Variants in CCDC93 observed in about 807,000 individuals in gnomAD.
CCDC93 encodes the protein CCC complex scaffolding subunit CCDC93.
In CCDC93, 61 loss-of-function variants were observed where a neutral mutation model predicts 108.2. That is an observed-to-expected ratio of 0.56 (90% CI 0.46 to 0.70). The LOEUF (loss-of-function observed/expected upper bound fraction) is 0.70, where lower values mean the gene tolerates loss of function less well. CCDC93 is among the 30% of genes least tolerant of loss of function. The probability of loss-of-function intolerance (pLI) is 0.00; values close to 1 mark genes in which losing one functional copy is unlikely to be tolerated. For synonymous variants in CCDC93, 276 were observed against 260.4 expected (o/e 1.06, Z -0.58); for missense variants, 685 against 764.2 (o/e 0.90, Z 1.22).
In CCDC93 at chr2:117,946,862, C is replaced by G. The variant is rs1352070814; in HGVS notation, c.1245G>C (p.Gln415His). The change falls in exon 16 of 24, where the codon CAG becomes CAC. Residue 415 changes from glutamine to histidine, a missense_variant. Physicochemically the swap from Gln to His is conservative, Grantham distance 24. Transcript: ENST00000376300. ...CAGCTTTCAGGTTTTCAATTTCTTG[C>G]TGTAGTCGTGTCATCTCCTCCTTTA... The part of the protein sequence containing the change: ...AHCREEMTRL[Q>H]QEIENLKAER... 2 of 1,613,476 alleles carry G rather than the reference C, an allele frequency of 1.2e-6. No homozygotes were observed. Among genetic ancestry groups the G allele is most frequent in the Non-Finnish European group, 1.7e-6 (2 of 1,179,368 alleles).
intron 1 of CCDC93, 200 bp from the exon 2 acceptor site, chr2:118,008,858 T>C (rs1676946042): frequency 1.8e-6 from 1 of 544,514 alleles, no homozygotes; most frequent in South Asian, 2.2e-5. Context: ...GGGTCCGCGG[T>C]CCTCAACGGG....
At chr2:117,937,752 G>A (rs1273450159) in intron 20 of CCDC93, among the ~76,000 whole-genome samples, 1 of 152,210 alleles carries the variant, frequency 6.6e-6, no homozygotes, top group East Asian at 1.9e-4. Context: ...GCCAGGATGT[G>A]GGACAGAGCT....
At chr2:117,991,552 T>C (rs1680475179) in intron 6 of CCDC93, among the ~76,000 whole-genome samples, 3 of 152,198 alleles carry the variant, frequency 2.0e-5, no homozygotes. Flanking sequence ...TTTATCAACC[T>C]TTCTAAGCTT....
intron 7 of CCDC93, chr2:117,985,513 T>A: frequency 1.6e-6 from 1 of 610,372 alleles, no homozygotes; most frequent in Non-Finnish European, 2.0e-6. Context: ...AAACTAAGGA[T>A]ATAAAATAAG....
At chr2:117,960,946 C>T (rs556451512) in intron 11 of CCDC93, among the ~76,000 whole-genome samples, 2 of 152,170 alleles carry the variant, frequency 1.3e-5, no homozygotes, top group African/African-American at 2.4e-5. Flanking sequence ...TCAATGAATA[C>T]GTAAGCTACT....
chr2:117,957,734 T>C (rs1190486514), intron 12 of CCDC93, among the ~76,000 whole-genome samples: 2 of 152,134 alleles, frequency 1.3e-5, no homozygotes, highest in Non-Finnish European at 2.9e-5. Context: ...CTGGTCTTTG[T>C]TCATGTTGTT....
intron 13 of CCDC93, chr2:117,950,587 G>A: frequency 2.0e-6 from 2 of 985,402 alleles, no homozygotes; most frequent in Non-Finnish European, 2.4e-6. Context: ...GGAAGGGCAG[G>A]TTTTGCTGAA....
Position 117,915,929 on chromosome 2 carries a change from AT to A in CCDC93, c.*4413del, listed in dbSNP as rs1025806511. 1 of 152,140 alleles carries A rather than the reference AT, an allele frequency of 6.6e-6. No homozygotes were observed. Among genetic ancestry groups the A allele is most frequent in the African/African-American group, 2.4e-5 (1 of 41,430 alleles). 9.4% of individuals were successfully genotyped at this position (152,140 alleles called of 1,614,324 possible). ...GTTTTAAATTTCTACAAACTATTCCATTGTTTAAGCTGGCCATAATGTATTT... is the reference window on the plus strand; with the variant it reads ...GTTTTAAATTTCTACAAACTATTCCATGTTTAAGCTGGCCATAATGTATTT... On this transcript the variant is annotated 3_prime_UTR_variant, in exon 24 of 24. Transcript: ENST00000376300.
At chr2:118,008,524 G>A (rs1176759053) in intron 2 of CCDC93, 21 bp downstream of exon 2, 4 of 1,336,592 alleles carry the variant, frequency 3.0e-6, no homozygotes, top group African/African-American at 2.9e-5. Context: ...TAGTGTAATG[G>A]TTAGAAAGAT....
Position 117,920,046 on chromosome 2 carries a change from C to T in CCDC93, c.*297G>A, listed in dbSNP as rs1441693044. Reference sequence around the variant, plus strand: ...TTCAGAGTCCATACAAATACAGGTACCTTCATAAGCGCAATGTTACTGGAG... The same window carrying T: ...TTCAGAGTCCATACAAATACAGGTATCTTCATAAGCGCAATGTTACTGGAG... On this transcript the variant is annotated 3_prime_UTR_variant, in exon 24 of 24. Transcript: ENST00000376300. 3.8e-6 allele frequency: 1 copy of T among 263,190 alleles called. No individual in the cohort carries two copies. Among genetic ancestry groups the T allele is most frequent in the East Asian group, 6.6e-5 (1 of 15,064 alleles). The allele number at this position is 263,190 out of a possible 1,614,324, so 16.3% of individuals were successfully genotyped here. A position where few individuals can be genotyped will look rare whatever the true frequency, so the allele number is the denominator to read the frequency against.
chr2:117,971,697 T>C (rs1214704464), intron 11 of CCDC93, among the ~76,000 whole-genome samples: 6 of 152,194 alleles, frequency 3.9e-5, no homozygotes, highest in African/African-American at 1.4e-4. Flanking sequence ...AACCAAGATA[T>C]GGCTTCAAAT....
rs1679996978 is a variant in CCDC93 at position 117,977,988 on chromosome 2, T to C, written c.657+6A>G. On this transcript the variant is annotated splice_donor_region_variant and intron_variant, in intron 8 of 23. Coordinates refer to ENST00000376300, the MANE Select transcript of CCDC93 (RefSeq NM_019044.5). ...TATTCTCTCTTACTATCAATGTTTT[T>C]CTTACCTTCTCCATTTTGCTCTGGC... 2 of 1,613,374 alleles carry C rather than the reference T, an allele frequency of 1.2e-6. No homozygotes were observed. The highest frequency in any genetic ancestry group is 1.7e-6 in the Non-Finnish European group (2 of 1,179,420).
At chr2:117,953,790 A>G (rs79042626) in intron 12 of CCDC93, among the ~76,000 whole-genome samples, 5,478 of 151,514 alleles carry the variant, frequency 0.036, 117 homozygotes, top group Middle Eastern at 0.072. Context: ...ACTATGTGGA[A>G]GGCTGAGGTG....
intron 8 of CCDC93, 112 bp downstream of exon 8, chr2:117,977,882 C>T: frequency 1.0e-6 from 1 of 953,696 alleles, no homozygotes; most frequent in Non-Finnish European, 1.7e-6. Context: ...GCAGCTCACA[C>T]ATCCCTGGGT....
intron 4 of CCDC93, 67 bp downstream of exon 4, chr2:118,000,754 G>A: frequency 9.7e-7 from 1 of 1,032,260 alleles, no homozygotes; most frequent in Non-Finnish European, 1.5e-6. Flanking sequence ...ACCCATTACA[G>A]GACAAGCCAG....
chr2:117,942,798 G>A (rs1289870537), intron 18 of CCDC93, among the ~76,000 whole-genome samples: 1 of 152,156 alleles, frequency 6.6e-6, no homozygotes, highest in Non-Finnish European at 1.5e-5. Flanking sequence ...AGTCAGAGCT[G>A]ACAACAAAGC....
At chr2:117,991,372 C>T (rs925752944) in intron 6 of CCDC93, among the ~76,000 whole-genome samples, 1 of 152,102 alleles carries the variant, frequency 6.6e-6, no homozygotes, top group Non-Finnish European at 1.5e-5. Context: ...TCCCAGGGCC[C>T]TGAAGTAAGT....
chr2:117,920,120 A>C lies in CCDC93; in HGVS notation c.*223T>G. The C allele has an allele frequency of 2.2e-6, 1 of 450,242 alleles. No homozygotes were observed. 27.9% of individuals were successfully genotyped at this position (450,242 alleles called of 1,614,324 possible). A position where few individuals can be genotyped will look rare whatever the true frequency, so the allele number is the denominator to read the frequency against. ...AACAAGTACTCCCTATATTCTTCATAGGATGATGGGTGTTATCCAAGCCAC... is the reference window on the plus strand; with the variant it reads ...AACAAGTACTCCCTATATTCTTCATCGGATGATGGGTGTTATCCAAGCCAC... On this transcript the variant is annotated 3_prime_UTR_variant, in exon 24 of 24. Transcript: ENST00000376300.
intron 19 of CCDC93, among the ~76,000 whole-genome samples, chr2:117,940,159 G>A (rs953355984): frequency 6.6e-6 from 1 of 152,154 alleles, no homozygotes; most frequent in African/African-American, 2.4e-5. Context: ...AGAAGAAAGA[G>A]GGGTCCAGTT....
Sources: gnomAD v4.1 joint callset for allele counts (sites outside exome capture counted in the v4.1 genomes callset) on GRCh38, gnomAD v4.1.1 for gene constraint, MANE v1.5 for transcripts, NCBI Gene and HGNC (gene_info 2026-07-23, HGNC 2026-07-21) for gene names.